Variants in PARG observed in about 807,000 individuals in gnomAD.
PARG encodes the protein mitochondrial poly(ADP-ribose) glycohydrolase.
PARG carries 35 observed loss-of-function variants against 113.0 expected under a neutral mutation model. That is an observed-to-expected ratio of 0.31 (90% CI 0.24 to 0.41). The LOEUF is 0.41. PARG is among the 10% of genes least tolerant of loss of function. PARG has a pLI of 1.00. For synonymous variants in PARG, 330 were observed against 409.9 expected (o/e 0.81, Z 2.36); for missense variants, 797 against 1,169.4 (o/e 0.68, Z 4.64).
chr10:49,920,548 A>ATATACATATATACGTATATATACGTG (rs1837790976), intron 6 of PARG, among the ~76,000 whole-genome samples: 1 of 143,914 alleles, frequency 6.9e-6, no homozygotes, highest in African/African-American at 2.5e-5. Context: ...ATACACATAT[A>ATATACATATATACGTATATATACGTG]TATACATATA....
intron 15 of PARG, among the ~76,000 whole-genome samples, chr10:49,839,090 A>G (rs1845096206): frequency 6.6e-6 from 1 of 152,138 alleles, no homozygotes; most frequent in Non-Finnish European, 1.5e-5. Flanking sequence ...TAATCCCAGC[A>G]TTTTGGGAGG....
At position 49,867,085 on chromosome 10, in the gene PARG, T is replaced by C. The variant is rs1247581478; in HGVS notation, c.2069-1704A>G. 12 of 152,212 alleles carry C rather than the reference T, an allele frequency of 7.9e-5. No individual in the cohort carries two copies. In the East Asian group the frequency reaches 2.1e-3, roughly 27 times the overall value. 9.4% of individuals were successfully genotyped at this position (152,212 alleles called of 1,614,324 possible). A position where few individuals can be genotyped will look rare whatever the true frequency, so the allele number is the denominator to read the frequency against. On this transcript the variant is annotated intron_variant, in intron 10 of 17. Coordinates refer to ENST00000616448, the MANE Select transcript of PARG (RefSeq NM_003631.5). ...GAGGTATCTTACCATAGGTCTAGAC[T>C]AGAGGTGAATTTTCCCAGAGAAGAT...
chr10:49,941,265 G>A (rs1231103606), intron 1 of PARG, among the ~76,000 whole-genome samples: 1 of 152,138 alleles, frequency 6.6e-6, no homozygotes, highest in Non-Finnish European at 1.5e-5. Flanking sequence ...GCAAACAGGT[G>A]GTGGAGTCTC....
In PARG at chr10:49,933,603, G is replaced by A. The variant is rs1554910505; in HGVS notation, c.845C>T (p.Thr282Ile). 2,441 of 1,610,516 alleles carry A rather than the reference G, an allele frequency of 1.5e-3. 5 individuals are homozygous for A. The highest frequency in any genetic ancestry group is 1.9e-3 in the Non-Finnish European group (2,243 of 1,176,866). Residue 282 changes from threonine to isoleucine, a missense_variant, in exon 3 of 18, where the codon ACT (threonine) becomes ATT (isoleucine). Around this residue, in one of 5 missense-constraint regions of PARG, gnomAD observed 284 missense variants for 306.1 expected, o/e 0.93. Transcript: ENST00000616448. ...GTGPKNDNKLTRQESCLGNSP... is the reference protein window; with the variant it reads ...GTGPKNDNKLIRQESCLGNSP... ...ATTTCCTAGGCAACTTTCTTGTCTA[G>A]TCAATTTGTTGTCATTTTTTGGCCC...
At chr10:49,858,329 G>C (rs1554835396) in intron 12 of PARG, among the ~76,000 whole-genome samples, 2 of 47,274 alleles carry the variant, frequency 4.2e-5, no homozygotes, top group South Asian at 9.6e-4. Flanking sequence ...TGAGGAGTTA[G>C]ATCACACACA....
Position 49,879,824 on chromosome 10 carries a change from G to A in PARG, c.1837C>T (p.Pro613Ser). The change falls in exon 9 of 18, where the codon CCA (proline) becomes TCA (serine). Residue 613 changes from proline to serine, a missense_variant. Pro to Ser is a moderately conservative substitution (Grantham distance 74). This residue lies in a region of PARG where 252 missense variants were observed against 437.4 expected (regional missense o/e 0.58). Transcript: ENST00000616448. ...CLPNICTQPI[P>S]LLKQKMNHSI... ...TGATTCATCTTCTGTTTCAGGAGTG[G>A]TATTGGCTGATAAAAGAAACAAAAA... 1 of 1,128,794 alleles carries A rather than the reference G, an allele frequency of 8.9e-7. No homozygotes were observed. The allele number at this position is 1,128,794 out of a possible 1,614,324, so 69.9% of individuals were successfully genotyped here.
intron 6 of PARG, among the ~76,000 whole-genome samples, chr10:49,916,275 T>C (rs1837467616): frequency 6.7e-6 from 1 of 149,658 alleles, no homozygotes; most frequent in Non-Finnish European, 1.5e-5. Flanking sequence ...ATACTCCAAA[T>C]AGACAAAAAC....
intron 16 of PARG, among the ~76,000 whole-genome samples, chr10:49,829,639 A>G (rs988861876): frequency 6.6e-6 from 1 of 152,138 alleles, no homozygotes; most frequent in Non-Finnish European, 1.5e-5. Flanking sequence ...ACTAAAAATA[A>G]AAAATGAAAA....
At chr10:49,843,688 C>G in intron 13 of PARG, 56 bp from the exon 14 acceptor site, 2 of 1,132,584 alleles carry the variant, frequency 1.8e-6, no homozygotes, top group Admixed American at 2.0e-5. Flanking sequence ...AAACATTCCA[C>G]CTTTCATAAC....
In PARG at chr10:49,933,419, C is replaced by A. The variant is rs1554910406; in HGVS notation, c.1029G>T (p.Arg343Ser). The change falls in exon 3 of 18, where the codon AGG becomes AGT. Residue 343 changes from arginine to serine, a missense_variant. Arg to Ser is a moderately radical substitution (Grantham distance 110). Around this residue, in one of 5 missense-constraint regions of PARG, gnomAD observed 252 missense variants for 437.4 expected, o/e 0.58. Transcript: ENST00000616448. ...CAATGTCAGCGTCTCTTGCTTGGAA[C>A]CTTGAAGGTTTATTTGCTGTTTGGG... ...SSSQTANKPS[R>S]FQARDADIEF... 5.0e-6 allele frequency: 8 copies of A among 1,613,558 alleles called. No homozygotes were observed. Among genetic ancestry groups the A allele is most frequent in the Non-Finnish European group, 6.8e-6 (8 of 1,179,550 alleles).
intron 15 of PARG, among the ~76,000 whole-genome samples, chr10:49,841,271 GA>G (rs1326270922): frequency 6.6e-6 from 1 of 151,410 alleles, no homozygotes; most frequent in Non-Finnish European, 1.5e-5. Flanking sequence ...AAGAAAAAAA[GA>G]AAAAAAAGAA....
At chr10:49,828,921 C>A (rs1365713751) in intron 16 of PARG, among the ~76,000 whole-genome samples, 5 of 152,092 alleles carry the variant, frequency 3.3e-5, no homozygotes, top group Non-Finnish European at 7.4e-5. Context: ...AACTCATGTA[C>A]AATTAAGTAA....
intron 13 of PARG, among the ~76,000 whole-genome samples, chr10:49,849,753 C>T (rs4838568): frequency 0.21 from 31,577 of 152,082 alleles, 4,000 homozygotes; most frequent in Non-Finnish European, 0.29. Flanking sequence ...TGGCTCATGC[C>T]GGTAAGCCCA....
At chr10:49,893,902 G>T (rs1397926069) in intron 7 of PARG, among the ~76,000 whole-genome samples, 1 of 151,902 alleles carries the variant, frequency 6.6e-6, no homozygotes, top group Non-Finnish European at 1.5e-5. Flanking sequence ...GTTTCACAGT[G>T]TTAGCCAGGA....
intron 13 of PARG, among the ~76,000 whole-genome samples, chr10:49,844,401 T>C (rs1554832966): frequency 1.3e-5 from 2 of 152,036 alleles, no homozygotes; most frequent in African/African-American, 4.8e-5. Flanking sequence ...GGCTGGTGGA[T>C]CACCTGAGGT....
intron 1 of PARG, among the ~76,000 whole-genome samples, chr10:49,940,782 C>A (rs1839005611): frequency 1.3e-5 from 2 of 152,206 alleles, no homozygotes; most frequent in Admixed American, 1.3e-4. Flanking sequence ...CCCGCCCCAG[C>A]CTCCCAAAGC....
At chr10:49,842,150 C>T (rs1845274887) in intron 14 of PARG, 92 bp from the exon 15 acceptor site, 1 of 815,238 alleles carries the variant, frequency 1.2e-6, no homozygotes, top group African/African-American at 1.7e-5. Flanking sequence ...GACTTTAGCT[C>T]TGTTAAAATA....
At chr10:49,857,009 CAAAAAAAAA>C (rs71270682) in intron 13 of PARG, among the ~76,000 whole-genome samples, 3 of 74,622 alleles carry the variant, frequency 4.0e-5, no homozygotes, top group African/African-American at 1.1e-4. Flanking sequence ...ACCTCTGTCT[CAAAAAAAAA>C]AAAAAAAAAA....
At position 49,913,156 on chromosome 10, in the gene PARG, G is replaced by A. The variant is rs1327410637; in HGVS notation, c.1737+2761C>T. Among the ~76,000 whole-genome samples, 26 of 152,220 alleles carry A rather than the reference G, an allele frequency of 1.7e-4. 1 individual carries two copies. Among genetic ancestry groups the A allele is most frequent in the Admixed American group, 1.4e-3 (21 of 15,280 alleles). On this transcript the variant is annotated intron_variant, in intron 7 of 17. Transcript: ENST00000616448. The stretch of plus-strand genomic sequence containing the variant: ...ACTAACCACTGCAAGCGTGGGCAAT[G>A]TTGTCCCTGTGGGTCATGACTTGCT...
Sources: allele counts gnomAD v4.1 joint callset (sites outside exome capture counted in the v4.1 genomes callset), GRCh38; gene constraint gnomAD v4.1.1; regional missense constraint gnomAD v4.1.1; transcripts MANE v1.5; gene names NCBI Gene and HGNC (gene_info 2026-07-23, HGNC 2026-07-21).